Variants in CBR4 observed in about 807,000 individuals in gnomAD.
CBR4 encodes carbonyl reductase 4.
Under a neutral mutation model 21.0 loss-of-function variants are expected in CBR4, and 22 were observed. That is an observed-to-expected ratio of 1.05 (90% confidence interval 0.75 to 1.50). The LOEUF (loss-of-function observed/expected upper bound fraction) is 1.50, where lower values mean the gene tolerates loss of function less well. CBR4 is among the 40% of genes most tolerant of loss of function. The pLI is 0.00. For missense variants in CBR4, 302 were observed against 286.3 expected (o/e 1.05, Z -0.40); for synonymous variants, 100 against 104.4 (o/e 0.96, Z 0.26).
chr4:168,978,070 A>G (rs1322786555), intron 2 of CBR4, among the ~76,000 whole-genome samples: 1 of 152,174 alleles, frequency 6.6e-6, no homozygotes, highest in Non-Finnish European at 1.5e-5. Context: ...CTTAGGATAA[A>G]GTTCAAAACC....
At chr4:168,921,491 T>A (rs774482612) in intron 2 of CBR4, 6 of 1,366,166 alleles carry the variant, frequency 4.4e-6, no homozygotes, top group Non-Finnish European at 2.0e-6. Context: ...GATTTCACTC[T>A]GTTTTAATAC....
intron 2 of CBR4, among the ~76,000 whole-genome samples, chr4:168,935,895 A>C (rs1007372761): frequency 6.6e-6 from 1 of 152,200 alleles, no homozygotes; most frequent in African/African-American, 2.4e-5. Context: ...ATCTTGCAGC[A>C]CAGTGCTCAA....
intron 4 of CBR4, among the ~76,000 whole-genome samples, chr4:168,991,896 T>C (rs968736785): frequency 2.0e-5 from 3 of 152,192 alleles, no homozygotes; most frequent in African/African-American, 7.2e-5. Context: ...ATCTCAAAAA[T>C]ACAGTTTTCA....
intron 2 of CBR4, among the ~76,000 whole-genome samples, chr4:168,897,401 A>C (rs1755441965): frequency 6.6e-6 from 1 of 152,198 alleles, no homozygotes. Context: ...GTTATCTTTC[A>C]TTTAATATTA....
At chr4:168,936,664 C>G (rs1377695561) in intron 2 of CBR4, among the ~76,000 whole-genome samples, 1 of 151,966 alleles carries the variant, frequency 6.6e-6, no homozygotes, top group Non-Finnish European at 1.5e-5. Context: ...CTGAATCGAT[C>G]AAGTGGAAGA....
intron 2 of CBR4, chr4:168,928,480 A>ATT (rs1403378896): frequency 5.8e-6 from 1 of 173,326 alleles, no homozygotes; most frequent in Non-Finnish European, 1.3e-5. Flanking sequence ...TGCCATAACA[A>ATT]TTAGCATAAA....
chr4:168,988,278 G>A lies in CBR4; in HGVS notation c.*1872C>T, dbSNP rs1466589153. 1 of 985,272 alleles carries A rather than the reference G, an allele frequency of 1.0e-6. No individual in the cohort carries two copies. The highest frequency in any genetic ancestry group is 1.2e-6 in the Non-Finnish European group (1 of 829,794). The allele number at this position is 985,272 out of a possible 1,614,324, so 61.0% of individuals were successfully genotyped here. On this transcript the variant is annotated 3_prime_UTR_variant, in exon 5 of 5. Coordinates refer to ENST00000306193, the MANE Select transcript of CBR4 (RefSeq NM_032783.5). ...ACCAGTTTGAGATAGGCTGGGGGAG[G>A]AGGTGGAATAGCTTAAAAGGTTATA... is the stretch of plus-strand genomic sequence containing the variant.
chr4:168,920,465 T>C (rs572836037), intron 2 of CBR4, among the ~76,000 whole-genome samples: 2 of 152,172 alleles, frequency 1.3e-5, no homozygotes, highest in African/African-American at 2.4e-5. Context: ...ACAGTCTAAG[T>C]GACATCTTTT....
intron 2 of CBR4, among the ~76,000 whole-genome samples, chr4:168,949,022 G>A (rs112756096): frequency 0.68 from 103,310 of 152,110 alleles, 36,853 homozygotes; most frequent in East Asian, 0.96. Context: ...CCATTTGTTC[G>A]TGTCATCTGT....
At chr4:169,001,849 T>C (rs1019941864) in intron 4 of CBR4, 2 of 309,494 alleles carry the variant, frequency 6.5e-6, no homozygotes, top group South Asian at 2.7e-4. Flanking sequence ...ATGAATTACC[T>C]CAGACAGTCC....
intron 2 of CBR4, among the ~76,000 whole-genome samples, chr4:168,976,057 C>A (rs1268487146): frequency 6.6e-6 from 1 of 152,210 alleles, no homozygotes; most frequent in Non-Finnish European, 1.5e-5. Context: ...CTTGCCTCCC[C>A]ACCTGCCAAC....
intron 2 of CBR4, among the ~76,000 whole-genome samples, chr4:168,943,726 A>G (rs1412766008): frequency 2.0e-5 from 3 of 152,146 alleles, no homozygotes; most frequent in African/African-American, 7.2e-5. Context: ...TTTGGCCAAC[A>G]TGGTGAAACC....
At chr4:168,975,200 C>T (rs1197586634) in intron 2 of CBR4, among the ~76,000 whole-genome samples, 1 of 152,156 alleles carries the variant, frequency 6.6e-6, no homozygotes, top group Non-Finnish European at 1.5e-5. Context: ...CCCTTCAGGG[C>T]TACCAGACTC....
chr4:168,965,739 C>T (rs187053244), intron 2 of CBR4, among the ~76,000 whole-genome samples: 3 of 152,254 alleles, frequency 2.0e-5, no homozygotes, highest in East Asian at 3.9e-4. Flanking sequence ...ACACCGTATA[C>T]AAAAATTAAC....
downstream of CBR4, among the ~76,000 whole-genome samples, chr4:168,983,250 T>C (rs544853975): frequency 7.9e-5 from 12 of 152,054 alleles, no homozygotes; most frequent in East Asian, 3.9e-4. Context: ...ACCAACCCCA[T>C]AGAAATTTTT....
intron 2 of CBR4, among the ~76,000 whole-genome samples, chr4:168,944,922 C>A (rs1763364164): frequency 6.6e-6 from 1 of 152,242 alleles, no homozygotes; most frequent in African/African-American, 2.4e-5. Flanking sequence ...TGTGACATTT[C>A]ATGACTTCAT....
At chr4:168,925,198 A>G in intron 2 of CBR4, 1 of 1,553,576 alleles carries the variant, frequency 6.4e-7, no homozygotes, top group Non-Finnish European at 8.7e-7. Flanking sequence ...TTGTCAAAAA[A>G]ATTCATATTG....
At chr4:168,931,545 C>A (rs1029219198) in intron 2 of CBR4, among the ~76,000 whole-genome samples, 4 of 152,158 alleles carry the variant, frequency 2.6e-5, no homozygotes, top group African/African-American at 9.6e-5. Flanking sequence ...GGACACACCC[C>A]CTGGCTGGCT....
At chr4:168,924,268 C>G in intron 2 of CBR4, 1 of 1,613,838 alleles carries the variant, frequency 6.2e-7, no homozygotes, top group South Asian at 1.1e-5. Flanking sequence ...AAGAAGCACA[C>G]AAACCCCCTG....
Sources: allele counts gnomAD v4.1 joint callset (sites outside exome capture counted in the v4.1 genomes callset), GRCh38; gene constraint gnomAD v4.1.1; transcripts MANE v1.5; gene names NCBI Gene and HGNC (gene_info 2026-07-23, HGNC 2026-07-21).